The following ZNF365 variants were observed in gnomAD, a reference collection of about 807,000 sequenced individuals.
ZNF365 encodes zinc finger protein 365, also known as protein ZNF365.
ZNF365 carries 22 observed loss-of-function variants against 35.0 expected under a neutral mutation model. That is an observed-to-expected ratio of 0.63 (90% CI 0.45 to 0.90). The LOEUF (loss-of-function observed/expected upper bound fraction) is 0.90, where lower values mean the gene tolerates loss of function less well. ZNF365 is among the 40% of genes least tolerant of loss of function. The pLI is 0.00. For synonymous variants in ZNF365, 188 were observed against 196.2 expected (o/e 0.96, Z 0.35); for missense variants, 448 against 500.3 (o/e 0.90, Z 1.00).
chr10:62,397,067 G>C (rs751069657), intron 3 of ZNF365, among the ~76,000 whole-genome samples: 1 of 152,224 alleles, frequency 6.6e-6, no homozygotes, highest in Admixed American at 6.5e-5. Context: ...CCAGCCTGGC[G>C]TTTGCCGGAG....
chr10:62,475,844 C>T (rs559464552), intron 4 of ZNF365, among the ~76,000 whole-genome samples: 5 of 152,208 alleles, frequency 3.3e-5, no homozygotes, highest in African/African-American at 7.2e-5. Flanking sequence ...AATCAGGTGC[C>T]GGCAGCTGGG....
intron 3 of ZNF365, among the ~76,000 whole-genome samples, chr10:62,428,504 G>T (rs565290539): frequency 3.8e-4 from 58 of 151,732 alleles, no homozygotes; most frequent in African/African-American, 1.3e-3. Flanking sequence ...GGATGTGTTT[G>T]CTTCCCCTTC....
At chr10:62,410,318 CTT>C (rs1481604957) in intron 3 of ZNF365, among the ~76,000 whole-genome samples, 3 of 152,112 alleles carry the variant, frequency 2.0e-5, no homozygotes, top group African/African-American at 7.2e-5. Flanking sequence ...AATGAAAAGA[CTT>C]TGAGGAATTC....
chr10:62,412,161 C>T (rs749159426), intron 3 of ZNF365, among the ~76,000 whole-genome samples: 1 of 152,014 alleles, frequency 6.6e-6, no homozygotes, highest in Non-Finnish European at 1.5e-5. Flanking sequence ...TAATTCATTA[C>T]ATAGGCAGAA....
intron 3 of ZNF365, among the ~76,000 whole-genome samples, chr10:62,448,850 A>G (rs1840632904): frequency 6.6e-6 from 1 of 151,910 alleles, no homozygotes; most frequent in South Asian, 2.1e-4. Context: ...GCAAAAGCAA[A>G]AAAAGAATAA....
chr10:62,471,344 C>T lies in ZNF365; in HGVS notation c.982-8532C>T, dbSNP rs561989877. Among the ~76,000 whole-genome samples the T allele has an allele frequency of 5.3e-4, 73 of 137,868 alleles. 1 individual carries two copies. In the South Asian group the frequency reaches 0.015, roughly 29 times the overall value. 90.4% of individuals were successfully genotyped at this position (137,868 alleles called of 152,430 possible). ...TTGTGCCACTGCATTCCAGCCTGGG[C>T]GACAGAGCAAGACTCTGTCTCAAAA... On this transcript the variant is annotated intron_variant, in intron 4 of 4. Coordinates refer to the ZNF365 transcript ENST00000395255.
chr10:62,448,381 C>T (rs1242230289), intron 3 of ZNF365, among the ~76,000 whole-genome samples: 2 of 152,160 alleles, frequency 1.3e-5, no homozygotes, highest in Non-Finnish European at 2.9e-5. Flanking sequence ...ATGACTCCAA[C>T]CTTCAGATTC....
At chr10:62,391,407 T>TC (rs1839626790) in intron 3 of ZNF365, among the ~76,000 whole-genome samples, 1 of 150,710 alleles carries the variant, frequency 6.6e-6, no homozygotes, top group South Asian at 2.1e-4. Context: ...CTCCACCCCC[T>TC]CCCCCGAGTC....
chr10:62,395,499 G>A lies in ZNF365; in HGVS notation c.925-3241G>A, dbSNP rs558962856. ...ATTACAGGCACCCACCACCACACCC[G>A]GCTAATTTTTTTTTTTTTTTTTTTT... On this transcript the variant is annotated intron_variant, in intron 3 of 4. Transcript: ENST00000395254. 2.9e-3 allele frequency among the ~76,000 whole-genome samples: 411 copies of A among 140,466 alleles called. 2 individuals carry two copies. The highest frequency in any genetic ancestry group is 9.3e-3 in the African/African-American group (360 of 38,784). 92.2% of individuals were successfully genotyped at this position (140,466 alleles called of 152,430 possible). A position where few individuals can be genotyped will look rare whatever the true frequency, so the allele number is the denominator to read the frequency against.
Position 62,401,111 on chromosome 10 carries a change from A to AT in ZNF365, c.*1326dup. On this transcript the variant is annotated 3_prime_UTR_variant, in exon 5 of 5. Transcript: ENST00000395254. ...TGACATTCTTCTGAAAACAGGAATA[A>AT]TTTTGTCCACAAATATATACATATA... The AT allele has an allele frequency of 2.0e-6, 2 of 984,892 alleles. No homozygotes were observed. The highest frequency in any genetic ancestry group is 2.4e-6 in the Non-Finnish European group (2 of 829,402). 61.0% of individuals were successfully genotyped at this position (984,892 alleles called of 1,614,324 possible). A position where few individuals can be genotyped will look rare whatever the true frequency, so the allele number is the denominator to read the frequency against.
At chr10:62,458,940 C>T (rs552501205) in intron 3 of ZNF365, among the ~76,000 whole-genome samples, 1 of 152,274 alleles carries the variant, frequency 6.6e-6, no homozygotes, top group South Asian at 2.1e-4. Context: ...AGAGCATTCA[C>T]TTCAAATCCT....
intron 3 of ZNF365, among the ~76,000 whole-genome samples, chr10:62,455,301 A>T (rs1013841678): frequency 9.9e-5 from 15 of 152,204 alleles, no homozygotes; most frequent in African/African-American, 2.7e-4. Flanking sequence ...ATGAAGCCCC[A>T]GTTGGCTAAC....
At position 62,388,389 on chromosome 10, in the gene ZNF365, C is replaced by G; in HGVS notation, c.744-7C>G. 1 of 1,613,838 alleles carries G rather than the reference C, an allele frequency of 6.2e-7. No homozygotes were observed. The highest frequency in any genetic ancestry group is 8.5e-7 in the Non-Finnish European group (1 of 1,179,900). ...CCCTTTTGTGTTCTGACATTTTTGC[C>G]TTGCAGAGAAGTTGTCACATTCAAC... On this transcript the variant is annotated splice_polypyrimidine_tract_variant and splice_region_variant and intron_variant, in intron 2 of 4. Coordinates refer to ENST00000395254, the MANE Select transcript of ZNF365 (RefSeq NM_014951.3).
At chr10:62,374,945 C>G (rs1839291184) in intron 1 of ZNF365, among the ~76,000 whole-genome samples, 1 of 152,200 alleles carries the variant, frequency 6.6e-6, no homozygotes, top group Non-Finnish European at 1.5e-5. Context: ...GGTTAAACAT[C>G]CCGGTGTACC....
intron 4 of ZNF365, among the ~76,000 whole-genome samples, chr10:62,468,217 T>C (rs1840975976): frequency 6.6e-6 from 1 of 152,218 alleles, no homozygotes; most frequent in African/African-American, 2.4e-5. Context: ...CACCTTAGTA[T>C]ACAGTCATAT....
intron 3 of ZNF365, among the ~76,000 whole-genome samples, chr10:62,393,573 G>A (rs753830986): frequency 2.6e-5 from 4 of 152,156 alleles, no homozygotes; most frequent in Non-Finnish European, 5.9e-5. Context: ...GTATATGTGT[G>A]TGCCACACAC....
intron 3 of ZNF365, among the ~76,000 whole-genome samples, chr10:62,420,445 A>G (rs1396758866): frequency 6.6e-6 from 1 of 152,230 alleles, no homozygotes; most frequent in Non-Finnish European, 1.5e-5. Flanking sequence ...GTAGGTAACT[A>G]TGTCACAGAA....
At chr10:62,437,295 T>C (rs1457389699) in intron 3 of ZNF365, among the ~76,000 whole-genome samples, 1 of 152,236 alleles carries the variant, frequency 6.6e-6, no homozygotes, top group Non-Finnish European at 1.5e-5. Flanking sequence ...TAACTTTTTT[T>C]GTCTTTAAAA....
intron 4 of ZNF365, among the ~76,000 whole-genome samples, chr10:62,478,662 C>T (rs1841171910): frequency 6.6e-6 from 1 of 152,212 alleles, no homozygotes; most frequent in African/African-American, 2.4e-5. Flanking sequence ...CAAGCTCCGC[C>T]TCCTGGGTTC....
Sources: allele counts gnomAD v4.1 joint callset (sites outside exome capture counted in the v4.1 genomes callset), GRCh38; gene constraint gnomAD v4.1.1; transcripts MANE v1.5; gene names NCBI Gene and HGNC (gene_info 2026-07-23, HGNC 2026-07-21).